Variants in KDM4C observed in about 807,000 individuals in gnomAD.
The protein encoded by KDM4C is lysine demethylase 4C, also known as lysine-specific demethylase 4C.
Under a neutral mutation model 129.3 loss-of-function variants are expected in KDM4C, and 81 were observed. The observed-to-expected ratio is 0.63, with a 90% CI of 0.52 to 0.75. The LOEUF is 0.75. Ranked by LOEUF, KDM4C falls within the 30% of genes least tolerant of loss-of-function variation. The probability of loss-of-function intolerance (pLI) is 0.00; values close to 1 mark genes in which losing one functional copy is unlikely to be tolerated. For synonymous variants in KDM4C, 573 were observed against 456.1 expected, an observed-to-expected ratio of 1.26 and a Z score of -3.26; for missense variants, 1,457 against 1,304.0, an observed-to-expected ratio of 1.12 and a Z score of -1.81.
intron 5 of KDM4C, among the ~76,000 whole-genome samples, chr9:6,875,387 C>T (rs745945266): frequency 1.4e-4 from 21 of 152,254 alleles, no homozygotes; most frequent in Non-Finnish European, 2.6e-4. Context: ...AGTGGGAGTT[C>T]TCCTGGGCGG....
At chr9:7,101,136 G>T (rs1837036406) in intron 17 of KDM4C, among the ~76,000 whole-genome samples, 1 of 152,100 alleles carries the variant, frequency 6.6e-6, no homozygotes, top group Admixed American at 6.5e-5. Flanking sequence ...TCTTCCCTCT[G>T]TTGTCCCCAG....
At chr9:7,000,278 T>C (rs1001701312) in intron 12 of KDM4C, among the ~76,000 whole-genome samples, 1 of 152,200 alleles carries the variant, frequency 6.6e-6, no homozygotes, top group African/African-American at 2.4e-5. Flanking sequence ...AGTGGCTTGG[T>C]CAGGTTTTGA....
chr9:6,784,503 A>T (rs776959586), intron 1 of KDM4C, among the ~76,000 whole-genome samples: 19 of 152,140 alleles, frequency 1.2e-4, no homozygotes, highest in Non-Finnish European at 2.5e-4. Flanking sequence ...AAGTGGTGAG[A>T]TTACAGGTGT....
At chr9:6,755,014 G>T (rs962279024), upstream of KDM4C, among the ~76,000 whole-genome samples, 1 of 151,994 alleles carries the variant, frequency 6.6e-6, no homozygotes, top group African/African-American at 2.4e-5. Context: ...GAGGCCAGCA[G>T]ATCACTTGAG....
chr9:6,821,143 C>T (rs1037434384), intron 4 of KDM4C, among the ~76,000 whole-genome samples: 1 of 152,018 alleles, frequency 6.6e-6, no homozygotes, highest in African/African-American at 2.4e-5. Flanking sequence ...GGGTTGGTTC[C>T]AAGTCTTTGC....
At chr9:6,898,191 C>A (rs550678653) in intron 8 of KDM4C, among the ~76,000 whole-genome samples, 1 of 152,320 alleles carries the variant, frequency 6.6e-6, no homozygotes, top group Admixed American at 6.5e-5. Context: ...CTTAGATTTT[C>A]AGCTTGACTG....
At chr9:6,883,359 C>T (rs904774496) in intron 6 of KDM4C, among the ~76,000 whole-genome samples, 1 of 152,108 alleles carries the variant, frequency 6.6e-6, no homozygotes, top group African/African-American at 2.4e-5. Context: ...AGTGATATAT[C>T]CTCTGCCTTC....
intron 18 of KDM4C, among the ~76,000 whole-genome samples, chr9:7,124,894 AG>A (rs1183356023): frequency 1.3e-5 from 2 of 152,034 alleles, no homozygotes; most frequent in African/African-American, 2.4e-5. Context: ...GTTTGCTGGG[AG>A]GGGGCTTTCC....
chr9:6,965,247 A>G (rs565019251), intron 8 of KDM4C, among the ~76,000 whole-genome samples: 21 of 151,942 alleles, frequency 1.4e-4, no homozygotes, highest in African/African-American at 5.1e-4. Context: ...CAAAGAAAAA[A>G]AAAGTCTAAA....
chr9:6,791,814 G>T (rs1018115486), intron 1 of KDM4C, among the ~76,000 whole-genome samples: 1 of 152,086 alleles, frequency 6.6e-6, no homozygotes, highest in African/African-American at 2.4e-5. Context: ...CCTGAGGTCG[G>T]GAGTTCGAGA....
Position 7,011,892 on chromosome 9 carries a change from G to A in KDM4C, c.1968+13G>A. ...GCCGTACCACAAGGTAAAGGAGCCT[G>A]CTATCATAGTTCCCTTCACTGCTCT... On this transcript the variant is annotated intron_variant, in intron 13 of 21. Transcript: ENST00000381309. 6.2e-7 allele frequency: 1 copy of A among 1,608,186 alleles called. No individual in the cohort carries two copies. The highest frequency in any genetic ancestry group is 1.3e-5 in the African/African-American group (1 of 74,912).
At chr9:6,919,282 T>C (rs934309475) in intron 8 of KDM4C, among the ~76,000 whole-genome samples, 6 of 138,482 alleles carry the variant, frequency 4.3e-5, no homozygotes, top group Middle Eastern at 3.7e-3. Flanking sequence ...TGTCTCTCTC[T>C]CTCTCTTTCT....
intron 17 of KDM4C, among the ~76,000 whole-genome samples, chr9:7,054,477 T>G (rs1463266446): frequency 1.3e-5 from 2 of 152,174 alleles, no homozygotes. Context: ...GTTTTTACAA[T>G]ATAAAAATGA....
chr9:6,924,894 T>G lies in KDM4C; in HGVS notation c.921+31662T>G, dbSNP rs536483101. ...AATGAATATTTGGGGTGGTGGAGCA[T>G]TTTGTTGGTCAGAGTACAGCCTTTA... On this transcript the variant is annotated intron_variant, in intron 8 of 21. Transcript: ENST00000381309. 5.2e-5 allele frequency: 51 copies of G among 984,746 alleles called. No individual in the cohort carries two copies. In the African/African-American group the frequency reaches 8.4e-4, roughly 16 times the overall value. 61.0% of individuals were successfully genotyped at this position (984,746 alleles called of 1,614,324 possible).
chr9:7,052,888 A>C (rs1326617017), intron 17 of KDM4C, among the ~76,000 whole-genome samples: 53 of 12,220 alleles, frequency 4.3e-3, no homozygotes, highest in African/African-American at 0.017. Context: ...AGAGAGAGAG[A>C]GAGAGAGAGA....
chr9:6,795,086 G>A (rs1827468299), intron 2 of KDM4C, among the ~76,000 whole-genome samples: 1 of 152,176 alleles, frequency 6.6e-6, no homozygotes, highest in African/African-American at 2.4e-5. Flanking sequence ...AGTCCTGACA[G>A]AGTCTGCTGC....
chr9:6,795,213 G>T, intron 2 of KDM4C, among the ~76,000 whole-genome samples: 1 of 152,186 alleles, frequency 6.6e-6, no homozygotes, highest in East Asian at 1.9e-4. Flanking sequence ...CAGAACTATT[G>T]GGATTGGTGT....
intron 1 of KDM4C, among the ~76,000 whole-genome samples, chr9:6,751,499 C>G (rs1433576053): frequency 6.6e-6 from 1 of 152,084 alleles, no homozygotes; most frequent in Admixed American, 6.6e-5. Flanking sequence ...GGGGATATAG[C>G]TGATCTCTTG....
intron 5 of KDM4C, among the ~76,000 whole-genome samples, chr9:6,870,931 G>A (rs1447279314): frequency 6.6e-6 from 1 of 152,210 alleles, no homozygotes; most frequent in Admixed American, 6.5e-5. Context: ...ATGTCACAAG[G>A]TGAGTGGAAG....
Sources: gnomAD v4.1 joint callset for allele counts (sites outside exome capture counted in the v4.1 genomes callset) on GRCh38, gnomAD v4.1.1 for gene constraint, MANE v1.5 for transcripts, NCBI Gene and HGNC (gene_info 2026-07-23, HGNC 2026-07-21) for gene names.